Variants in ERN1 observed in about 807,000 individuals in gnomAD.
The protein encoded by ERN1 is endoplasmic reticulum to nucleus signaling 1.
In ERN1, 39 loss-of-function variants were observed where a neutral mutation model predicts 113.1. The observed-to-expected ratio is 0.34, with a 90% CI of 0.27 to 0.45. The LOEUF (loss-of-function observed/expected upper bound fraction) is 0.45, where lower values mean the gene tolerates loss of function less well. Ranked by LOEUF, ERN1 falls within the 20% of genes least tolerant of loss-of-function variation. The probability of loss-of-function intolerance (pLI) is 1.00; values close to 1 mark genes in which losing one functional copy is unlikely to be tolerated. For synonymous variants in ERN1, 507 were observed against 515.9 expected (o/e 0.98, Z 0.23); for missense variants, 976 against 1,274.8 (o/e 0.77, Z 3.57).
chr17:64,091,708 G>C (rs2143439811), intron 2 of ERN1, among the ~76,000 whole-genome samples: 1 of 152,274 alleles, frequency 6.6e-6, no homozygotes, highest in East Asian at 1.9e-4. Context: ...CTGGTAAGGA[G>C]TTACATGGCT....
rs1912619891 is a variant in ERN1, at chr17:64,049,577, A to C, written c.2254-375T>G. Reference sequence around the variant, plus strand: ...ATATATTCCTTACCCCCAACACGAAAGTGCTCACAGACAGGGTCTCTGTGT... The same window carrying C: ...ATATATTCCTTACCCCCAACACGAACGTGCTCACAGACAGGGTCTCTGTGT... On this transcript the variant is annotated intron_variant, in intron 17 of 21. Transcript: ENST00000433197. This position sits in a 1 kb window ranked among gnomAD's most constrained non-coding sequence, Gnocchi z 4.7. Among the ~76,000 whole-genome samples the C allele has an allele frequency of 6.6e-6, 1 of 152,204 alleles. No individual in the cohort carries two copies. The highest frequency in any genetic ancestry group is 6.5e-5 in the Admixed American group (1 of 15,286).
chr17:64,117,514 C>T (rs1013442225), intron 1 of ERN1, among the ~76,000 whole-genome samples: 16 of 152,242 alleles, frequency 1.1e-4, no homozygotes, highest in Non-Finnish European at 2.2e-4. Flanking sequence ...ACAATGTTCA[C>T]GCTCAGTCCC....
At chr17:64,091,059 G>A (rs1486031805) in intron 2 of ERN1, among the ~76,000 whole-genome samples, 1 of 152,154 alleles carries the variant, frequency 6.6e-6, no homozygotes, top group Non-Finnish European at 1.5e-5. Flanking sequence ...AGCAGTGAGG[G>A]TAAAAAGGTA....
At chr17:64,074,158 T>A (rs1489502137) in intron 5 of ERN1, among the ~76,000 whole-genome samples, 1 of 152,188 alleles carries the variant, frequency 6.6e-6, no homozygotes, top group Non-Finnish European at 1.5e-5. Flanking sequence ...CACTAGAGTT[T>A]ACATAACTCA....
intron 1 of ERN1, among the ~76,000 whole-genome samples, chr17:64,099,244 G>T (rs967692482): frequency 6.6e-6 from 1 of 151,612 alleles, no homozygotes; most frequent in Non-Finnish European, 1.5e-5. Context: ...TCCAAGATTT[G>T]ATATCCACTG....
At chr17:64,104,619 G>A (rs1208706387) in intron 1 of ERN1, among the ~76,000 whole-genome samples, 1 of 152,180 alleles carries the variant, frequency 6.6e-6, no homozygotes, top group Non-Finnish European at 1.5e-5. Context: ...AGGAGTTCGA[G>A]AACAGCCTGG....
intron 4 of ERN1, among the ~76,000 whole-genome samples, 161 bp from the exon 5 acceptor site, chr17:64,075,408 C>A (rs984825811): frequency 6.6e-6 from 1 of 152,100 alleles, no homozygotes; most frequent in African/African-American, 2.4e-5. Flanking sequence ...GAAGGGGGCA[C>A]CCTATGCTTC....
intron 1 of ERN1, among the ~76,000 whole-genome samples, chr17:64,103,831 A>C (rs979265304): frequency 1.3e-5 from 2 of 152,240 alleles, no homozygotes; most frequent in Admixed American, 1.3e-4. Context: ...CAAACAGCAC[A>C]AAAACAAATG....
At chr17:64,077,531 G>GACAAAACA (rs1913630975) in intron 4 of ERN1, among the ~76,000 whole-genome samples, 2 of 152,060 alleles carry the variant, frequency 1.3e-5, no homozygotes, top group Non-Finnish European at 2.9e-5. Flanking sequence ...GGCAGCGTGT[G>GACAAAACA]GCCTTTTTTG....
intron 1 of ERN1, among the ~76,000 whole-genome samples, chr17:64,126,904 C>T (rs895463101): frequency 6.6e-6 from 1 of 151,822 alleles, no homozygotes; most frequent in African/African-American, 2.4e-5. Context: ...TGAAAGAAAT[C>T]TGATATCTTA....
chr17:64,125,047 C>A (rs560708464), intron 1 of ERN1, among the ~76,000 whole-genome samples: 1 of 152,252 alleles, frequency 6.6e-6, no homozygotes, highest in African/African-American at 2.4e-5. Context: ...CTAAAATGGA[C>A]TGTGGTGATG....
At chr17:64,103,036 G>A (rs1914428645) in intron 1 of ERN1, 1 of 786,802 alleles carries the variant, frequency 1.3e-6, no homozygotes, top group Non-Finnish European at 1.5e-6. Flanking sequence ...TTAGCTAATT[G>A]GTCCCCACAG....
In ERN1 at chr17:64,068,048, T is replaced by C. The variant is rs768099463; in HGVS notation, c.580+142A>G. The C allele has an allele frequency of 1.9e-5, 12 of 621,264 alleles. No individual in the cohort carries two copies. In the African/African-American group the frequency reaches 2.0e-4, roughly 11 times the overall value. 38.5% of individuals were successfully genotyped at this position (621,264 alleles called of 1,614,324 possible). ...CATTGACTGTGGGAAGTATTTATGA[T>C]AAGCCCATGAAAAGTCCATGGAAAG... On this transcript the variant is annotated intron_variant, in intron 7 of 21. Coordinates refer to ENST00000433197, the MANE Select transcript of ERN1 (RefSeq NM_001433.5).
intron 6 of ERN1, among the ~76,000 whole-genome samples, chr17:64,068,685 T>C (rs991924254): frequency 2.6e-5 from 4 of 152,162 alleles, no homozygotes; most frequent in African/African-American, 7.2e-5. Context: ...GCATTGACTT[T>C]AGGACCAGCT....
intron 1 of ERN1, among the ~76,000 whole-genome samples, chr17:64,109,722 G>A (rs1914623875): frequency 6.6e-6 from 1 of 152,230 alleles, no homozygotes; most frequent in African/African-American, 2.4e-5. Flanking sequence ...AAGGCTCAGA[G>A]AGGTGAAGTG....
At chr17:64,051,074 G>T (rs919261717) in intron 17 of ERN1, among the ~76,000 whole-genome samples, 1 of 150,940 alleles carries the variant, frequency 6.6e-6, no homozygotes, top group Non-Finnish European at 1.5e-5. Flanking sequence ...AACAATTTGT[G>T]TATCAAAAGA....
chr17:64,059,879 T>C (rs533564634), intron 11 of ERN1, among the ~76,000 whole-genome samples: 1 of 135,028 alleles, frequency 7.4e-6, no homozygotes, highest in East Asian at 2.2e-4. Context: ...TTTTTAGCAA[T>C]AGGGTCTTGC....
chr17:64,064,293 G>T, intron 9 of ERN1, 142 bp from the exon 10 acceptor site: 1 of 895,126 alleles, frequency 1.1e-6, no homozygotes, highest in Non-Finnish European at 1.6e-6. Context: ...AAGGCCCAAA[G>T]TCTGGGCAAA....
Position 64,056,394 on chromosome 17 carries a change from AGCG to A in ERN1, c.1399-449_1399-447del, listed in dbSNP as rs1912871227. ...CGTGTCTGTGTGTTGGCTAGAGGCT[AGCG>A]CACAGACACTCAGTAATCCAGAGGG... On this transcript the variant is annotated intron_variant, in intron 12 of 21. Transcript: ENST00000433197. Among the ~76,000 whole-genome samples, 3 of 152,202 alleles carry A rather than the reference AGCG, an allele frequency of 2.0e-5. No homozygotes were observed. The South Asian group carries it at 6.2e-4, about 32-fold the overall frequency.
Sources: allele counts gnomAD v4.1 joint callset (sites outside exome capture counted in the v4.1 genomes callset), GRCh38; gene constraint gnomAD v4.1.1; non-coding constraint Gnocchi (gnomAD v3.1); transcripts MANE v1.5; gene names NCBI Gene and HGNC (gene_info 2026-07-23, HGNC 2026-07-21).